The following CNTNAP2 variants were observed in gnomAD, a reference collection of about 807,000 sequenced individuals.
CNTNAP2 encodes contactin associated protein 2.
CNTNAP2 carries 98 observed loss-of-function variants against 155.2 expected under a neutral mutation model. The observed-to-expected ratio is 0.63, with a 90% CI of 0.54 to 0.75. CNTNAP2 has a LOEUF of 0.75. CNTNAP2 is among the 30% of genes least tolerant of loss of function. CNTNAP2 has a pLI of 0.00. For missense variants in CNTNAP2, 1,727 were observed against 1,688.1 expected (o/e 1.02, Z -0.40); for synonymous variants, 651 against 631.2 (o/e 1.03, Z -0.47).
intron 13 of CNTNAP2, among the ~76,000 whole-genome samples, chr7:147,835,884 C>G (rs1458002624): frequency 6.6e-6 from 1 of 152,098 alleles, no homozygotes; most frequent in South Asian, 2.1e-4. Context: ...GGTCACAAGA[C>G]CAAGAATGCC....
chr7:146,522,984 T>C (rs1563118512), intron 1 of CNTNAP2, among the ~76,000 whole-genome samples: 1 of 151,898 alleles, frequency 6.6e-6, no homozygotes, highest in Non-Finnish European at 1.5e-5. Flanking sequence ...TTTTGTAGTG[T>C]TTATTTTTAT....
chr7:147,377,439 T>A (rs938522194), intron 9 of CNTNAP2, among the ~76,000 whole-genome samples: 41 of 151,936 alleles, frequency 2.7e-4, no homozygotes, highest in African/African-American at 7.9e-4. Context: ...TTAGTTTATG[T>A]AGTCAATATA....
At chr7:146,826,271 C>G (rs937889389) in intron 2 of CNTNAP2, among the ~76,000 whole-genome samples, 6 of 151,968 alleles carry the variant, frequency 3.9e-5, no homozygotes, top group African/African-American at 1.4e-4. Context: ...CTGTTTTTTG[C>G]ACAAAATGCT....
chr7:147,103,101 C>T (rs1800688586), intron 4 of CNTNAP2, among the ~76,000 whole-genome samples: 1 of 152,038 alleles, frequency 6.6e-6, no homozygotes, highest in Non-Finnish European at 1.5e-5. Context: ...ATACCTTAAT[C>T]CAATTAATAG....
chr7:147,986,873 TTGTGTG>T (rs71686634), intron 15 of CNTNAP2, among the ~76,000 whole-genome samples: 79 of 147,402 alleles, frequency 5.4e-4, no homozygotes, highest in East Asian at 1.2e-3. Context: ...TGTTTTTTGT[TTGTGTG>T]TGTGTGTGTG....
At chr7:146,448,166 CTA>C (rs1387086503) in intron 1 of CNTNAP2, among the ~76,000 whole-genome samples, 3 of 152,008 alleles carry the variant, frequency 2.0e-5, no homozygotes, top group Non-Finnish European at 2.9e-5. Flanking sequence ...TGGCTGTTAA[CTA>C]TGACAAAACT....
At position 146,398,259 on chromosome 7, in the gene CNTNAP2, A is replaced by C. The variant is rs573376639; in HGVS notation, c.97+281286A>C. Among the ~76,000 whole-genome samples the C allele has an allele frequency of 2.0e-5, 3 of 149,232 alleles. No homozygotes were observed. The East Asian group carries it at 5.9e-4, about 29-fold the overall frequency. ...CCACTGCTAATTTGTAAAGGAAAGA[A>C]GTTTAATTGACTCACACTTCCACAG... On this transcript the variant is annotated intron_variant, in intron 1 of 23. Transcript: ENST00000361727.
intron 1 of CNTNAP2, among the ~76,000 whole-genome samples, chr7:146,762,764 G>A (rs1170035901): frequency 6.6e-6 from 1 of 152,170 alleles, no homozygotes; most frequent in Non-Finnish European, 1.5e-5. Context: ...AGGCAGAGGA[G>A]GAGCAAAGTC....
intron 10 of CNTNAP2, among the ~76,000 whole-genome samples, chr7:147,483,780 AACC>A (rs1798466214): frequency 6.6e-6 from 1 of 152,160 alleles, no homozygotes; most frequent in Non-Finnish European, 1.5e-5. Context: ...TCATATGCAG[AACC>A]ACCTGCTCTG....
At chr7:147,553,661 C>G (rs928697085) in intron 11 of CNTNAP2, among the ~76,000 whole-genome samples, 6 of 152,150 alleles carry the variant, frequency 3.9e-5, no homozygotes, top group Non-Finnish European at 8.8e-5. Context: ...TTAGATACTA[C>G]TACCACATTA....
intron 1 of CNTNAP2, among the ~76,000 whole-genome samples, chr7:146,374,550 C>T (rs918845781): frequency 6.6e-6 from 1 of 152,134 alleles, no homozygotes; most frequent in African/African-American, 2.4e-5. Flanking sequence ...AGTAGGAGGC[C>T]TTTGATGTAG....
intron 8 of CNTNAP2, among the ~76,000 whole-genome samples, chr7:147,184,899 A>T (rs965202957): frequency 6.6e-6 from 1 of 152,214 alleles, no homozygotes; most frequent in Non-Finnish European, 1.5e-5. Context: ...AGTGATCCAT[A>T]TCTACTACAA....
chr7:148,349,440 C>T (rs183021665), intron 21 of CNTNAP2, among the ~76,000 whole-genome samples: 1,732 of 141,704 alleles, frequency 0.012, 18 homozygotes, highest in Non-Finnish European at 0.02. Flanking sequence ...CTCACTCTGT[C>T]GCCCGGGCTG....
chr7:147,558,891 T>C (rs1431361130), intron 11 of CNTNAP2, among the ~76,000 whole-genome samples: 1 of 152,148 alleles, frequency 6.6e-6, no homozygotes, highest in Non-Finnish European at 1.5e-5. Flanking sequence ...AACAGGCATG[T>C]GCCACCATGC....
chr7:146,975,899 G>A (rs1019313230), intron 3 of CNTNAP2, among the ~76,000 whole-genome samples: 1 of 152,162 alleles, frequency 6.6e-6, no homozygotes, highest in Non-Finnish European at 1.5e-5. Flanking sequence ...GCAAATCCCA[G>A]GGAAGGATGG....
intron 1 of CNTNAP2, among the ~76,000 whole-genome samples, chr7:146,254,858 G>C (rs1799813859): frequency 6.6e-6 from 1 of 151,808 alleles, no homozygotes; most frequent in South Asian, 2.1e-4. Context: ...AAACAAACCA[G>C]CAAAACATTT....
chr7:146,627,326 T>G (rs1350052810), intron 1 of CNTNAP2, among the ~76,000 whole-genome samples: 1 of 152,154 alleles, frequency 6.6e-6, no homozygotes, highest in Non-Finnish European at 1.5e-5. Context: ...CCATATGACT[T>G]TCCTAAACTG....
chr7:147,746,326 A>T (rs762234000), intron 13 of CNTNAP2, among the ~76,000 whole-genome samples: 1 of 152,200 alleles, frequency 6.6e-6, no homozygotes, highest in Non-Finnish European at 1.5e-5. Context: ...GGGAGAATCA[A>T]GCAGCAAAAC....
intron 1 of CNTNAP2, among the ~76,000 whole-genome samples, chr7:146,133,040 G>A (rs1460996531): frequency 8.9e-5 from 13 of 146,420 alleles, no homozygotes; most frequent in Admixed American, 8.7e-4. Context: ...CAGTGTAAAA[G>A]TGTTCCTATT....
Sources: allele counts gnomAD v4.1 joint callset (sites outside exome capture counted in the v4.1 genomes callset), GRCh38; gene constraint gnomAD v4.1.1; transcripts MANE v1.5; gene names NCBI Gene and HGNC (gene_info 2026-07-23, HGNC 2026-07-21).